The following NEBL variants were observed in gnomAD, a reference collection of about 807,000 sequenced individuals.
NEBL encodes LIM and SH3 protein 2.
In NEBL, 122 loss-of-function variants were observed where a neutral mutation model predicts 140.2. The observed-to-expected ratio is 0.87, with a 90% CI of 0.75 to 1.01. The LOEUF is 1.01. Among genes scored for constraint, NEBL ranks in the 50% least tolerant of loss-of-function variants. The pLI is 0.00. For synonymous variants in NEBL, 436 were observed against 398.9 expected, an observed-to-expected ratio of 1.09 and a Z score of -1.11; for missense variants, 1,365 against 1,231.3, an observed-to-expected ratio of 1.11 and a Z score of -1.62.
At chr10:21,159,284 T>C (rs1840457676) in intron 2 of NEBL, among the ~76,000 whole-genome samples, 1 of 152,184 alleles carries the variant, frequency 6.6e-6, no homozygotes, top group South Asian at 2.1e-4. Flanking sequence ...AGCTAATGAC[T>C]AGACCAGTCA....
intron 2 of NEBL, among the ~76,000 whole-genome samples, chr10:21,081,151 G>C (rs1268041616): frequency 6.6e-6 from 1 of 152,142 alleles, no homozygotes; most frequent in African/African-American, 2.4e-5. Context: ...CACCACACCT[G>C]GCTGATCTGG....
chr10:21,268,353 T>G (rs1842822767), intron 1 of NEBL, among the ~76,000 whole-genome samples: 1 of 152,082 alleles, frequency 6.6e-6, no homozygotes. Context: ...CATGGTGGTA[T>G]GCACCTGTAG....
chr10:21,088,929 A>G (rs118046652), intron 2 of NEBL, among the ~76,000 whole-genome samples: 2,240 of 152,316 alleles, frequency 0.015, 22 homozygotes, highest in South Asian at 0.034. Context: ...TGGGCAGTTA[A>G]TGAACCACGC....
intron 24 of NEBL, among the ~76,000 whole-genome samples, chr10:20,810,577 G>T (rs1186201866): frequency 1.3e-5 from 2 of 152,138 alleles, no homozygotes; most frequent in Non-Finnish European, 2.9e-5. Flanking sequence ...TCAGCTTCCT[G>T]CTGTCAATGG....
At chr10:20,898,416 A>G (rs1354549939), upstream of NEBL, among the ~76,000 whole-genome samples, 9 of 149,696 alleles carry the variant, frequency 6.0e-5, no homozygotes, top group Admixed American at 1.4e-4. Flanking sequence ...TTTTCTCTTG[A>G]TATCATATCT....
At chr10:21,213,414 C>A (rs1336032532) in intron 3 of NEBL, among the ~76,000 whole-genome samples, 1 of 152,106 alleles carries the variant, frequency 6.6e-6, no homozygotes, top group Non-Finnish European at 1.5e-5. Context: ...CGGAGAGGAG[C>A]GGAGGACGGG....
At chr10:21,114,420 A>G (rs73607593) in intron 2 of NEBL, among the ~76,000 whole-genome samples, 9,440 of 152,134 alleles carry the variant, frequency 0.062, 966 homozygotes, top group African/African-American at 0.21. Context: ...AGGACGTTCT[A>G]TAAATGTCAA....
At position 20,820,594 on chromosome 10, in the gene NEBL, G is replaced by A. The variant is rs183352229; in HGVS notation, c.1963-1078C>T. Among the ~76,000 whole-genome samples, 442 of 152,306 alleles carry A rather than the reference G, an allele frequency of 2.9e-3. 1 individual carries two copies. Among genetic ancestry groups the A allele is most frequent in the Non-Finnish European group, 5.1e-3 (349 of 68,026 alleles). On this transcript the variant is annotated intron_variant, in intron 19 of 27. Coordinates refer to ENST00000377122, the MANE Select transcript of NEBL (RefSeq NM_006393.3). ...TAATCCTAACAGTTTGGAAGGCCGAGGCAGGTGGATCAACTGAGGTCATGA... is the reference window on the plus strand; with the variant it reads ...TAATCCTAACAGTTTGGAAGGCCGAAGCAGGTGGATCAACTGAGGTCATGA...
chr10:21,279,463 G>A (rs1452760235), intron 1 of NEBL, among the ~76,000 whole-genome samples: 1 of 151,108 alleles, frequency 6.6e-6, no homozygotes, highest in Non-Finnish European at 1.5e-5. Context: ...CCTATTTTTT[G>A]TTTCAACACT....
Position 21,023,237 on chromosome 10 carries a change from A to G in NEBL, c.165-3036T>C, listed in dbSNP as rs4748743. On this transcript the variant is annotated intron_variant, in intron 2 of 6. Transcript: ENST00000417816. ...CTACAATGATTAATTTGAAAATTTT[A>G]CATATGGATTTTAACCATTTTTTAA... Among the ~76,000 whole-genome samples, 880 of 152,298 alleles carry G rather than the reference A, an allele frequency of 5.8e-3. 26 individuals carry two copies. Among genetic ancestry groups the G allele is most frequent in the Admixed American group, 0.047 (717 of 15,294 alleles).
chr10:20,934,667 T>C (rs540304762), intron 4 of NEBL, among the ~76,000 whole-genome samples: 21 of 152,256 alleles, frequency 1.4e-4, no homozygotes, highest in Middle Eastern at 3.4e-3. Flanking sequence ...GATCCCTGAA[T>C]GACTGCATGG....
chr10:20,950,006 C>A (rs954416030), intron 4 of NEBL, among the ~76,000 whole-genome samples: 5 of 152,152 alleles, frequency 3.3e-5, no homozygotes, highest in Admixed American at 2.0e-4. Context: ...TGTTCAATTC[C>A]TTTCCCTCCT....
intron 3 of NEBL, among the ~76,000 whole-genome samples, chr10:20,994,879 G>A (rs1837604084): frequency 6.6e-6 from 1 of 150,570 alleles, no homozygotes; most frequent in Admixed American, 6.6e-5. Context: ...AGGAGGAGGA[G>A]GTAGAGGGGG....
intron 3 of NEBL, among the ~76,000 whole-genome samples, chr10:21,214,485 G>A (rs114833938): frequency 0.039 from 5,579 of 143,010 alleles, 335 homozygotes; most frequent in African/African-American, 0.13. Context: ...GCACACACAC[G>A]CGCACATTAC....
At chr10:20,792,670 G>T (rs1277285466) in intron 26 of NEBL, among the ~76,000 whole-genome samples, 2 of 151,990 alleles carry the variant, frequency 1.3e-5, no homozygotes, top group African/African-American at 2.4e-5. Context: ...CTTGGTGGCA[G>T]GTACCTGTAA....
At chr10:20,803,675 C>T (rs1046409654) in intron 26 of NEBL, among the ~76,000 whole-genome samples, 1 of 151,748 alleles carries the variant, frequency 6.6e-6, no homozygotes, top group African/African-American at 2.4e-5. Context: ...AAAGCACTAA[C>T]GATTTTCATC....
intron 3 of NEBL, among the ~76,000 whole-genome samples, chr10:21,208,818 C>T (rs567561032): frequency 3.3e-4 from 50 of 152,122 alleles, no homozygotes; most frequent in Non-Finnish European, 5.7e-4. Flanking sequence ...CCTGGGAAAA[C>T]GTAGTCCAAC....
intron 2 of NEBL, among the ~76,000 whole-genome samples, chr10:21,076,496 A>G (rs1836093746): frequency 6.6e-6 from 1 of 151,094 alleles, no homozygotes; most frequent in Non-Finnish European, 1.5e-5. Flanking sequence ...CAACCCAACA[A>G]TTCTACTTGT....
Position 21,037,461 on chromosome 10 carries a change from A to C in NEBL, c.165-17260T>G, listed in dbSNP as rs553392824. Among the ~76,000 whole-genome samples the C allele has an allele frequency of 7.2e-5, 11 of 152,320 alleles. 3 individuals are homozygous for C. Among genetic ancestry groups the C allele is most frequent in the African/African-American group, 2.6e-4 (11 of 41,570 alleles). ...TGCAAAGAAAAAAAATGGGAATCAG[A>C]AATACCAAGGAGCCATTAAAAAATT... On this transcript the variant is annotated intron_variant, in intron 2 of 6. Transcript: ENST00000417816.
Sources: allele counts gnomAD v4.1 joint callset (sites outside exome capture counted in the v4.1 genomes callset), GRCh38; gene constraint gnomAD v4.1.1; transcripts MANE v1.5; gene names NCBI Gene and HGNC (gene_info 2026-07-23, HGNC 2026-07-21).